TTLL7: variants seen among roughly 807,000 people sequenced by gnomAD.
TTLL7 encodes the protein tubulin polyglutamylase TTLL7.
In TTLL7, 53 loss-of-function variants were observed where a neutral mutation model predicts 120.2. That is an observed-to-expected ratio of 0.44 (90% CI 0.35 to 0.55). TTLL7 has a LOEUF of 0.55. TTLL7 is among the 20% of genes least tolerant of loss of function. The pLI is 0.00. For missense variants in TTLL7, 803 were observed against 1,054.7 expected, an observed-to-expected ratio of 0.76 and a Z score of 3.31; for synonymous variants, 353 against 351.7, an observed-to-expected ratio of 1.00 and a Z score of -0.04.
chr1:83,924,762 T>C (rs1487189886), intron 10 of TTLL7, among the ~76,000 whole-genome samples: 1 of 152,126 alleles, frequency 6.6e-6, no homozygotes, highest in Admixed American at 6.5e-5. Flanking sequence ...AAAAGTCAGT[T>C]GGCATTCACC....
At chr1:83,990,271 G>T (rs12145433) in intron 1 of TTLL7, among the ~76,000 whole-genome samples, 6,934 of 151,548 alleles carry the variant, frequency 0.046, 207 homozygotes, top group Middle Eastern at 0.11. Context: ...CGCTTCCTGG[G>T]TTCACGCCAT....
intron 1 of TTLL7, among the ~76,000 whole-genome samples, chr1:83,983,328 T>G (rs1174315064): frequency 6.6e-6 from 1 of 151,704 alleles, no homozygotes; most frequent in African/African-American, 2.4e-5. Context: ...AGACTCTGTC[T>G]CAAAAACAAA....
intron 20 of TTLL7, 137 bp from the exon 21 acceptor site, chr1:83,870,219 T>C (rs1252659557): frequency 1.3e-6 from 1 of 772,072 alleles, no homozygotes; most frequent in South Asian, 2.6e-5. Flanking sequence ...ATAAAAAGAT[T>C]TCCTCCTCCA....
intron 10 of TTLL7, among the ~76,000 whole-genome samples, chr1:83,924,717 A>C (rs1658966762): frequency 6.6e-6 from 1 of 152,200 alleles, no homozygotes; most frequent in South Asian, 2.1e-4. Flanking sequence ...TTAAAATGGT[A>C]AATATTATGT....
Position 83,882,956 on chromosome 1 carries a change from C to G in TTLL7, c.2543+7G>C, listed in dbSNP as rs752474458. ...ACTCTCAAGGGTTAGAGAATGTGAA[C>G]AAGTACCTGGAATTACCCCAGTCAG... On this transcript the variant is annotated splice_region_variant and intron_variant, in intron 20 of 20. Transcript: ENST00000260505. 6.2e-7 allele frequency: 1 copy of G among 1,608,258 alleles called. No homozygotes were observed. The highest frequency in any genetic ancestry group is 8.5e-7 in the Non-Finnish European group (1 of 1,177,646).
At chr1:83,937,822 T>G (rs776755984) in intron 8 of TTLL7, 30 bp downstream of exon 8, 2 of 1,610,184 alleles carry the variant, frequency 1.2e-6, no homozygotes, top group Admixed American at 3.3e-5. Flanking sequence ...GAGGAAAGAC[T>G]GTTATAATTG....
chr1:83,917,733 T>G (rs1185684660), intron 13 of TTLL7, 43 bp from the exon 14 acceptor site: 1 of 1,345,030 alleles, frequency 7.4e-7, no homozygotes, highest in Admixed American at 1.9e-5. Flanking sequence ...ACTAATGGAC[T>G]CTAGAATTTT....
chr1:83,884,492 C>G (rs977037552), intron 19 of TTLL7, among the ~76,000 whole-genome samples: 1 of 151,664 alleles, frequency 6.6e-6, no homozygotes, highest in African/African-American at 2.4e-5. Flanking sequence ...CCCAAATAGA[C>G]AGCATGCCAT....
At chr1:83,935,707 TA>T (rs1647317932) in intron 8 of TTLL7, among the ~76,000 whole-genome samples, 1 of 152,080 alleles carries the variant, frequency 6.6e-6, no homozygotes. Context: ...CCCGGGTTAT[TA>T]AAAATAAGTT....
In TTLL7 at chr1:83,865,135, A is replaced by G. The variant is rs945988947; in HGVS notation, c.*4827T>C. The G allele has an allele frequency of 4.6e-5, 7 of 152,146 alleles. No individual in the cohort carries two copies. The highest frequency in any genetic ancestry group is 2.0e-4 in the Admixed American group (3 of 15,272). 9.4% of individuals were successfully genotyped at this position (152,146 alleles called of 1,614,324 possible). ...CATGACAATGCAACGCTAATTGCAC[A>G]CTGTATTGACATTTCAAGCATATTT... On this transcript the variant is annotated 3_prime_UTR_variant, in exon 21 of 21. Coordinates refer to ENST00000260505, the MANE Select transcript of TTLL7 (RefSeq NM_024686.6).
intron 9 of TTLL7, 37 bp downstream of exon 9, chr1:83,933,571 A>G (rs953388988): frequency 2.5e-6 from 4 of 1,595,862 alleles, no homozygotes; most frequent in African/African-American, 1.4e-5. Context: ...ACGTAAGGAC[A>G]GTGATAACTC....
At chr1:83,889,520 A>T (rs1284925870) in intron 19 of TTLL7, among the ~76,000 whole-genome samples, 1 of 152,126 alleles carries the variant, frequency 6.6e-6, no homozygotes, top group African/African-American at 2.4e-5. Context: ...CTTAGCACCT[A>T]TCTGTGCCTC....
At chr1:83,899,046 A>T (rs1656485399) in intron 18 of TTLL7, among the ~76,000 whole-genome samples, 1 of 151,930 alleles carries the variant, frequency 6.6e-6, no homozygotes, top group Non-Finnish European at 1.5e-5. Flanking sequence ...AAGAACCTAC[A>T]AATTTTGGCA....
Position 83,868,183 on chromosome 1 carries a change from T to C in TTLL7, c.*1779A>G, listed in dbSNP as rs1653047077. The C allele has an allele frequency of 6.6e-6, 1 of 152,208 alleles. No homozygotes were observed. Among genetic ancestry groups the C allele is most frequent in the Admixed American group, 6.5e-5 (1 of 15,284 alleles). 9.4% of individuals were successfully genotyped at this position (152,208 alleles called of 1,614,324 possible). On this transcript the variant is annotated 3_prime_UTR_variant, in exon 21 of 21. Coordinates refer to ENST00000260505, the MANE Select transcript of TTLL7 (RefSeq NM_024686.6). ...AGGCTGTGAATTAAACCAGGCCAAT[T>C]TGCCCCTCTCAGTTCTCCTGCTTTG...
In TTLL7 at chr1:83,908,166, A is replaced by G. The variant is rs1200263316; in HGVS notation, c.1787-505T>C. 2.0e-5 allele frequency among the ~76,000 whole-genome samples: 3 copies of G among 152,190 alleles called. No individual in the cohort carries two copies. In the East Asian group the frequency reaches 5.8e-4, roughly 29 times the overall value. ...TAATTCCAGTGTCTTCCCTTTTTCT[A>G]TAATACCATGATGCTATCCACTATC... On this transcript the variant is annotated intron_variant, in intron 15 of 20. Transcript: ENST00000260505.
intron 1 of TTLL7, among the ~76,000 whole-genome samples, chr1:83,986,237 G>GT (rs1652424699): frequency 6.6e-6 from 1 of 152,156 alleles, no homozygotes; most frequent in Non-Finnish European, 1.5e-5. Flanking sequence ...TAATGTGTGT[G>GT]TATGTATAAT....
At position 83,951,852 on chromosome 1, in the gene TTLL7, A is replaced by C; in HGVS notation, c.150T>G (p.Phe50Leu). The part of the protein sequence containing the change: ...TITANVAGTK[F>L]EIVRLVIDEM... ...GCTTCTAAGGAAACCTACCAATTTCAAACTTTGTCCCGGCAACATTTGCTG... is the reference window on the plus strand; with the variant it reads ...GCTTCTAAGGAAACCTACCAATTTCCAACTTTGTCCCGGCAACATTTGCTG... The change falls in exon 3 of 21, where the codon TTT becomes TTG. Residue 50 changes from phenylalanine (F) to leucine (L), a missense_variant. Phe to Leu is a conservative substitution (Grantham distance 22). This residue lies in a region of TTLL7 where 91 missense variants were observed against 96.6 expected (regional missense o/e 0.94). Coordinates refer to ENST00000260505, the MANE Select transcript of TTLL7 (RefSeq NM_024686.6). 6.2e-7 allele frequency: 1 copy of C among 1,605,718 alleles called. No homozygotes were observed. The highest frequency in any genetic ancestry group is 8.5e-7 in the Non-Finnish European group (1 of 1,177,772).
At chr1:83,993,704 C>T (rs1375903260) in intron 1 of TTLL7, among the ~76,000 whole-genome samples, 2 of 152,140 alleles carry the variant, frequency 1.3e-5, no homozygotes, top group Non-Finnish European at 2.9e-5. Context: ...CTTAACTCTA[C>T]ACCTTCAAAG....
At chr1:83,948,914 G>C in intron 4 of TTLL7, 1 of 384,148 alleles carries the variant, frequency 2.6e-6, no homozygotes, top group East Asian at 4.2e-5. Flanking sequence ...AAACACAAAA[G>C]AATATCTACA....
Sources: allele counts gnomAD v4.1 joint callset (sites outside exome capture counted in the v4.1 genomes callset), GRCh38; gene constraint gnomAD v4.1.1; regional missense constraint gnomAD v4.1.1; transcripts MANE v1.5; gene names NCBI Gene and HGNC (gene_info 2026-07-23, HGNC 2026-07-21).